Variants in RELN observed in about 807,000 individuals in gnomAD.
RELN encodes the protein reelin.
In RELN, 108 loss-of-function variants were observed where a neutral mutation model predicts 427.6. The ratio of observed to expected loss-of-function variants is 0.25; its 90% confidence interval spans 0.22 to 0.30. RELN has a LOEUF of 0.30. Ranked by LOEUF, RELN falls within the 10% of genes least tolerant of loss-of-function variation. RELN has a pLI of 1.00. For synonymous variants in RELN, 1,524 were observed against 1,513.4 expected, an observed-to-expected ratio of 1.01 and a Z score of -0.16; for missense variants, 3,715 against 4,302.8, an observed-to-expected ratio of 0.86 and a Z score of 3.82.
chr7:103,936,390 G>A lies in RELN; in HGVS notation c.227-19205C>T, dbSNP rs982655161. ...TTACAGGTGTGAGCCACTGCACCTC[G>A]CCTGGCTTCTAACTGGTGTTTCAGT... On this transcript the variant is annotated intron_variant, in intron 1 of 64. Transcript: ENST00000428762. 5.3e-5 allele frequency among the ~76,000 whole-genome samples: 8 copies of A among 152,206 alleles called. 1 individual carries two copies. The South Asian group carries it at 1.2e-3, about 24-fold the overall frequency.
At chr7:103,525,340 C>T (rs984340871) in intron 46 of RELN, among the ~76,000 whole-genome samples, 6 of 152,170 alleles carry the variant, frequency 3.9e-5, no homozygotes, top group African/African-American at 1.2e-4. Context: ...ATATTTGATA[C>T]ATGTCTGTCT....
intron 2 of RELN, among the ~76,000 whole-genome samples, chr7:103,894,847 G>A (rs1039208556): frequency 6.6e-5 from 10 of 152,080 alleles, no homozygotes; most frequent in African/African-American, 1.7e-4. Flanking sequence ...TGTTTAATAC[G>A]GAAAGCCAAA....
chr7:103,810,678 C>CA (rs1459491835), intron 3 of RELN, among the ~76,000 whole-genome samples: 1 of 151,924 alleles, frequency 6.6e-6, no homozygotes, highest in East Asian at 1.9e-4. Context: ...AAAACAAAAA[C>CA]AAAAAACCTT....
chr7:103,929,461 T>C (rs973760439), intron 1 of RELN, among the ~76,000 whole-genome samples: 3 of 152,180 alleles, frequency 2.0e-5, no homozygotes, highest in Non-Finnish European at 4.4e-5. Flanking sequence ...ATTGAACCAT[T>C]TCTCCTAGGA....
At chr7:103,808,448 T>C (rs1393318055) in intron 3 of RELN, among the ~76,000 whole-genome samples, 1 of 151,992 alleles carries the variant, frequency 6.6e-6, no homozygotes, top group African/African-American at 2.4e-5. Context: ...AAAAAAACCT[T>C]TCTTCAACTC....
At chr7:103,731,847 A>G (rs1304767422) in intron 6 of RELN, among the ~76,000 whole-genome samples, 1 of 152,114 alleles carries the variant, frequency 6.6e-6, no homozygotes, top group African/African-American at 2.4e-5. Context: ...AATTTTAACA[A>G]GATGTTTTAT....
intron 4 of RELN, among the ~76,000 whole-genome samples, chr7:103,760,896 A>G (rs1554414072): frequency 2.1e-5 from 2 of 97,418 alleles, no homozygotes; most frequent in Non-Finnish European, 3.7e-5. Context: ...CCCCAGGAAT[A>G]ATTTATTACT....
Position 103,636,417 on chromosome 7 carries a change from G to T in RELN, c.2121C>A (p.Phe707Leu), listed in dbSNP as rs201944880. Residue 707 changes from phenylalanine to leucine, a missense_variant, in exon 18 of 65, where the codon TTC becomes TTA. By Grantham distance (22) the Phe-to-Leu change is conservative. This residue lies in a region of RELN where 2,208 missense variants were observed against 2,361.7 expected (regional missense o/e 0.93). Coordinates refer to ENST00000428762, the MANE Select transcript of RELN (RefSeq NM_005045.4). ...GPACEMASQT[F>L]PMFISESFGS... Reference sequence around the variant, plus strand: ...CAAAGCTTTCAGAAATAAACATTGGGAATGTCTGGGATGCCATCTCACAAG... The same window carrying T: ...CAAAGCTTTCAGAAATAAACATTGGTAATGTCTGGGATGCCATCTCACAAG... The T allele has an allele frequency of 6.2e-7, 1 of 1,613,976 alleles. No homozygotes were observed. The highest frequency in any genetic ancestry group is 8.5e-7 in the Non-Finnish European group (1 of 1,179,934).
intron 10 of RELN, among the ~76,000 whole-genome samples, chr7:103,684,787 T>C (rs1833729621): frequency 6.6e-6 from 1 of 152,208 alleles, no homozygotes. Context: ...TTCTAAGTGC[T>C]ACAAAATAAT....
At chr7:103,499,829 ATT>A (rs1382887034) in intron 53 of RELN, among the ~76,000 whole-genome samples, 3 of 152,332 alleles carry the variant, frequency 2.0e-5, no homozygotes, top group Admixed American at 6.5e-5. Context: ...TACTAATAAA[ATT>A]TGAGTGCTCA....
intron 64 of RELN, among the ~76,000 whole-genome samples, chr7:103,477,272 A>G (rs1828070228): frequency 6.6e-6 from 1 of 152,202 alleles, no homozygotes; most frequent in South Asian, 2.1e-4. Context: ...AGGAGACACA[A>G]TCTTAGTTCA....
At chr7:103,564,625 T>C (rs970342657) in intron 34 of RELN, among the ~76,000 whole-genome samples, 1 of 151,694 alleles carries the variant, frequency 6.6e-6, no homozygotes, top group Non-Finnish European at 1.5e-5. Context: ...CTGACAGATG[T>C]AGGAGGCTGG....
chr7:103,524,652 A>G (rs1195154522), intron 46 of RELN, among the ~76,000 whole-genome samples: 1 of 152,222 alleles, frequency 6.6e-6, no homozygotes, highest in African/African-American at 2.4e-5. Flanking sequence ...TGACTCAGGA[A>G]TATCTGTTTA....
intron 50 of RELN, 83 bp from the exon 51 acceptor site, chr7:103,511,088 A>G: frequency 1.0e-6 from 1 of 968,120 alleles, no homozygotes; most frequent in East Asian, 2.6e-5. Flanking sequence ...AAGACATAGA[A>G]TTATTTTAAG....
intron 8 of RELN, among the ~76,000 whole-genome samples, chr7:103,721,222 C>T (rs544899895): frequency 7.2e-4 from 108 of 150,260 alleles, no homozygotes; most frequent in Non-Finnish European, 1.3e-3. Flanking sequence ...TTCCTCCTTC[C>T]ACCCTTCCTT....
intron 64 of RELN, among the ~76,000 whole-genome samples, chr7:103,476,351 G>A (rs954830595): frequency 3.3e-5 from 5 of 152,044 alleles, no homozygotes; most frequent in Admixed American, 6.6e-5. Context: ...ATGGTGGTAC[G>A]CGCCTGTAGT....
chr7:103,590,292 G>A (rs932225285), intron 27 of RELN, among the ~76,000 whole-genome samples: 27 of 152,166 alleles, frequency 1.8e-4, no homozygotes, highest in Middle Eastern at 6.8e-3. Context: ...GGCTGGGTGC[G>A]GTGGCTCATG....
intron 2 of RELN, among the ~76,000 whole-genome samples, chr7:103,849,797 G>A (rs946529803): frequency 6.6e-6 from 1 of 152,092 alleles, no homozygotes; most frequent in African/African-American, 2.4e-5. Context: ...ATGCAACAGA[G>A]ACCTACCACA....
At chr7:103,641,517 G>A (rs1276329904) in intron 16 of RELN, among the ~76,000 whole-genome samples, 5 of 152,106 alleles carry the variant, frequency 3.3e-5, no homozygotes, top group Admixed American at 3.3e-4. Flanking sequence ...ATAGCAGGCT[G>A]AGTCATTAAA....
Sources: allele counts gnomAD v4.1 joint callset (sites outside exome capture counted in the v4.1 genomes callset), GRCh38; gene constraint gnomAD v4.1.1; regional missense constraint gnomAD v4.1.1; transcripts MANE v1.5; gene names NCBI Gene and HGNC (gene_info 2026-07-23, HGNC 2026-07-21).